ARR3: variants seen among roughly 807,000 people sequenced by gnomAD.
ARR3 encodes arrestin 3.
In ARR3, 14 loss-of-function variants were observed where a neutral mutation model predicts 35.4. That is an observed-to-expected ratio of 0.40 (90% CI 0.26 to 0.62). ARR3 has a LOEUF of 0.62. ARR3 is among the 20% of genes least tolerant of loss of function. The probability of loss-of-function intolerance (pLI) is 0.46; values close to 1 mark genes in which losing one functional copy is unlikely to be tolerated. For missense variants in ARR3, 259 were observed against 303.8 expected (o/e 0.85, Z 1.10); for synonymous variants, 97 against 119.1 (o/e 0.81, Z 1.21).
At chrX:70,281,607 AAG>A in intron 16 of ARR3, 67 bp from the exon 17 acceptor site, 1 of 935,079 alleles carries the variant, frequency 1.1e-6, no homozygotes, top group Non-Finnish European at 1.5e-6. Context: ...ATCAGGAAAA[AAG>A]AGTGGACACG....
Position 70,281,174 on chromosome X carries a change from G to A in ARR3, c.1076+66G>A, listed in dbSNP as rs191366727. 9.4e-6 allele frequency: 11 copies of A among 1,171,051 alleles called. No homozygotes were observed. In the East Asian group the frequency reaches 3.3e-4, roughly 35 times the overall value. ...CCATTTCCACCCTCCATGTTATGACGATAGAAATGTGAAAATGCTTCCTTG... is the reference window on the plus strand; with the variant it reads ...CCATTTCCACCCTCCATGTTATGACAATAGAAATGTGAAAATGCTTCCTTG... On this transcript the variant is annotated intron_variant, in intron 16 of 16. Coordinates refer to ENST00000307959, the MANE Select transcript of ARR3 (RefSeq NM_004312.3).
chrX:70,274,304 C>A (rs766779584), intron 5 of ARR3, among the ~76,000 whole-genome samples: 2 of 107,972 alleles, frequency 1.9e-5, no homozygotes, highest in South Asian at 4.2e-4. Context: ...CGAGTTCAAG[C>A]GATTCTCCTG....
intron 14 of ARR3, 60 bp from the exon 15 acceptor site, chrX:70,280,706 A>G: frequency 8.3e-7 from 1 of 1,200,759 alleles, no homozygotes; most frequent in Non-Finnish European, 1.1e-6. Flanking sequence ...TAAGGGAGGG[A>G]GGTTCAGGGA....
At chrX:70,274,776 T>C (rs977463935) in intron 5 of ARR3, among the ~76,000 whole-genome samples, 1 of 111,654 alleles carries the variant, frequency 9.0e-6, no homozygotes, top group African/African-American at 3.3e-5. Context: ...GCAAAAGGTC[T>C]CCTTTATAAG....
intron 4 of ARR3, 77 bp downstream of exon 4, chrX:70,269,980 C>G: frequency 1.7e-6 from 2 of 1,175,034 alleles, no homozygotes; most frequent in South Asian, 1.8e-5. Flanking sequence ...CAGGAAAGAC[C>G]GTGCAGAAAA....
At chrX:70,276,347 GACA>G in intron 6 of ARR3, 66 bp downstream of exon 6, 4 of 1,186,874 alleles carry the variant, frequency 3.4e-6, no homozygotes, top group East Asian at 3.0e-5. Flanking sequence ...GCTCAAGAAG[GACA>G]ACAAGGGAGA....
rs1236283429 is a variant in ARR3, at chrX:70,280,389, TC to T, written c.989+114del. 3 of 980,961 alleles carry T rather than the reference TC, an allele frequency of 3.1e-6. No homozygotes were observed. The African/African-American group carries it at 5.8e-5, about 19-fold the overall frequency. The allele number at this position is 980,961 out of a possible 1,213,427, so 80.8% of individuals were successfully genotyped here. On this transcript the variant is annotated intron_variant, in intron 13 of 16. Transcript: ENST00000307959. ...CAATCAAACCATTCCCCACCCTTTC[TC>T]CCAGACCAGGTTCCCAAACCTGTGA...
intron 5 of ARR3, among the ~76,000 whole-genome samples, chrX:70,271,432 A>G (rs1569220153): frequency 8.9e-6 from 1 of 112,066 alleles, no homozygotes; most frequent in Non-Finnish European, 1.9e-5. Flanking sequence ...GTGTTTTTCT[A>G]TCAAGGTACA....
intron 16 of ARR3, 125 bp downstream of exon 16, chrX:70,281,233 T>C (rs2085682586): frequency 2.3e-6 from 2 of 869,598 alleles, no homozygotes; most frequent in Non-Finnish European, 3.3e-6. Context: ...TGGAAACATA[T>C]GGCTTAGCTT....
At chrX:70,280,682 A>G in intron 14 of ARR3, 84 bp from the exon 15 acceptor site, 1 of 1,198,981 alleles carries the variant, frequency 8.3e-7, no homozygotes, top group Non-Finnish European at 1.1e-6. Context: ...GAGGGCATCC[A>G]AAGACTGGAA....
chrX:70,275,454 TTGA>T (rs763911185), intron 5 of ARR3, among the ~76,000 whole-genome samples: 1 of 111,504 alleles, frequency 9.0e-6, no homozygotes, highest in African/African-American at 3.3e-5. Context: ...GGCATTATTG[TTGA>T]TGTGTGGGAG....
intron 5 of ARR3, among the ~76,000 whole-genome samples, chrX:70,273,508 C>T (rs1347109933): frequency 8.9e-6 from 1 of 112,012 alleles, no homozygotes; most frequent in Non-Finnish European, 1.9e-5. Flanking sequence ...AGGCGTGAGC[C>T]ACTGTGCCCG....
chrX:70,276,063 C>A lies in ARR3; in HGVS notation c.146-19C>A. On this transcript the variant is annotated intron_variant, in intron 5 of 16. Coordinates refer to ENST00000307959, the MANE Select transcript of ARR3 (RefSeq NM_004312.3). The stretch of plus-strand genomic sequence containing the variant: ...CCACTCAGGCCTGACAGACCACTCT[C>A]TTCCTCCTATGCCTGCAGTGTTTGT... 1.7e-6 allele frequency: 2 copies of A among 1,209,501 alleles called. No homozygotes were observed. The highest frequency in any genetic ancestry group is 4.6e-4 in the Middle Eastern group (2 of 4,328).
chrX:70,278,364 C>T, intron 11 of ARR3, 140 bp from the exon 12 acceptor site: 5 of 834,295 alleles, frequency 6.0e-6, no homozygotes, highest in Non-Finnish European at 8.4e-6. Flanking sequence ...CTAATTTCTC[C>T]CAGTCTTCAG....
Position 70,278,506 on chromosome X carries a change from A to T in ARR3, c.770A>T (p.Glu257Val). The change falls in exon 12 of 17, where the codon GAG becomes GTG. Residue 257 changes from glutamate (E) to valine (V), a missense_variant and splice_region_variant. By Grantham distance (121) the Glu-to-Val change is moderately radical (BLOSUM62 -2). Coordinates refer to ENST00000307959, the MANE Select transcript of ARR3 (RefSeq NM_004312.3). Reference protein sequence around the residue: ...TKTVFIQEFTETVAANSSFSQ... With the variant: ...TKTVFIQEFTVTVAANSSFSQ... ...CTTCTCTTGTTCTTCTTTTGTAGGGAGACTGTAGCTGCTAATTCCAGCTTC... is the reference window on the plus strand; with the variant it reads ...CTTCTCTTGTTCTTCTTTTGTAGGGTGACTGTAGCTGCTAATTCCAGCTTC... 8.3e-7 allele frequency: 1 copy of T among 1,208,190 alleles called. No homozygotes were observed. Among genetic ancestry groups the T allele is most frequent in the Non-Finnish European group, 1.1e-6 (1 of 893,766 alleles).
intron 16 of ARR3, 87 bp downstream of exon 16, chrX:70,281,195 C>T: frequency 9.0e-7 from 1 of 1,108,094 alleles, no homozygotes; most frequent in Non-Finnish European, 1.2e-6. Context: ...GAAAATGCTT[C>T]CTTGGGGTGC....
intron 8 of ARR3, among the ~76,000 whole-genome samples, chrX:70,276,991 C>T (rs1012112985): frequency 8.9e-6 from 1 of 112,594 alleles, no homozygotes; most frequent in East Asian, 2.8e-4. Context: ...TCAACTCTGC[C>T]GTTGTAGTGC....
At position 70,276,068 on chromosome X, in the gene ARR3, T is replaced by C; in HGVS notation, c.146-14T>C. 1 of 1,210,470 alleles carries C rather than the reference T, an allele frequency of 8.3e-7. No individual in the cohort carries two copies. Among genetic ancestry groups the C allele is most frequent in the Non-Finnish European group, 1.1e-6 (1 of 894,426 alleles). On this transcript the variant is annotated splice_polypyrimidine_tract_variant and intron_variant, in intron 5 of 16. Transcript: ENST00000307959. ...CAGGCCTGACAGACCACTCTCTTCC[T>C]CCTATGCCTGCAGTGTTTGTCATGT...
At position 70,276,117 on chromosome X, in the gene ARR3, C is replaced by T. The variant is rs147674360; in HGVS notation, c.181C>T (p.Arg61Cys). The T allele has an allele frequency of 1.7e-5, 21 of 1,210,115 alleles. No homozygotes were observed. The highest frequency in any genetic ancestry group is 7.0e-5 in the South Asian group (4 of 56,827). The change falls in exon 6 of 17, where the codon CGT (arginine) becomes TGT (cysteine). Residue 61 changes from arginine to cysteine, a missense_variant. By Grantham distance (180) the Arg-to-Cys change is radical. Coordinates refer to ENST00000307959, the MANE Select transcript of ARR3 (RefSeq NM_004312.3). ...GTTGACATGTGCCTTTCGCTATGGC[C>T]GTGATGACTTGGAAGTGATTGGTCT... ...VMLTCAFRYG[R>C]DDLEVIGLTF...
Sources: allele counts gnomAD v4.1 joint callset (sites outside exome capture counted in the v4.1 genomes callset), GRCh38; gene constraint gnomAD v4.1.1; transcripts MANE v1.5; gene names NCBI Gene and HGNC (gene_info 2026-07-23, HGNC 2026-07-21).